The following UBTD2 variants were observed in gnomAD, a reference collection of about 807,000 sequenced individuals.
The protein encoded by UBTD2 is ubiquitin domain containing 2, also known as ubiquitin domain-containing protein 2.
A neutral mutation model predicts 19.8 loss-of-function variants in UBTD2; 9 were observed. The observed-to-expected ratio is 0.46, with a 90% CI of 0.27 to 0.79. UBTD2 has a LOEUF of 0.79. UBTD2 is among the 30% of genes least tolerant of loss of function. UBTD2 has a pLI of 0.14. For missense variants in UBTD2, 250 were observed against 300.4 expected, an observed-to-expected ratio of 0.83 and a Z score of 1.24; for synonymous variants, 98 against 103.9, an observed-to-expected ratio of 0.94 and a Z score of 0.35.
chr5:172,244,517 C>T (rs370200974), intron 1 of UBTD2, among the ~76,000 whole-genome samples: 1 of 150,750 alleles, frequency 6.6e-6, no homozygotes, highest in Non-Finnish European at 1.5e-5. Context: ...AGGTTGGTCT[C>T]GAACTCCCAA....
At chr5:172,232,271 T>A in intron 2 of UBTD2, among the ~76,000 whole-genome samples, 1 of 144,556 alleles carries the variant, frequency 6.9e-6, no homozygotes, top group African/African-American at 2.6e-5. Flanking sequence ...AGACCCTGTC[T>A]CAAAAAAATA....
intron 1 of UBTD2, among the ~76,000 whole-genome samples, chr5:172,275,587 T>C (rs1479081036): frequency 6.6e-6 from 1 of 152,230 alleles, no homozygotes; most frequent in Non-Finnish European, 1.5e-5. Context: ...TCACCCTTTA[T>C]GAAACTCTCA....
At chr5:172,280,883 A>G (rs1262017520) in intron 1 of UBTD2, among the ~76,000 whole-genome samples, 1 of 152,210 alleles carries the variant, frequency 6.6e-6, no homozygotes, top group Non-Finnish European at 1.5e-5. Flanking sequence ...GGAAGGTTTT[A>G]TTGATATACA....
intron 1 of UBTD2, among the ~76,000 whole-genome samples, chr5:172,265,491 C>T (rs1315304817): frequency 6.6e-6 from 1 of 152,038 alleles, no homozygotes; most frequent in Non-Finnish European, 1.5e-5. Context: ...CCCACCACCC[C>T]GGCTAATTTT....
intron 2 of UBTD2, among the ~76,000 whole-genome samples, chr5:172,227,296 T>C (rs1007095963): frequency 1.3e-5 from 2 of 152,226 alleles, no homozygotes; most frequent in African/African-American, 4.8e-5. Flanking sequence ...AGCAGAGGAA[T>C]AGATAAACTG....
chr5:172,240,011 A>G (rs551938737), intron 1 of UBTD2, among the ~76,000 whole-genome samples: 5 of 152,338 alleles, frequency 3.3e-5, no homozygotes, highest in Admixed American at 2.0e-4. Context: ...ATAGCAAACC[A>G]ATAACGAAGA....
At chr5:172,248,349 G>A (rs1222577623) in intron 1 of UBTD2, among the ~76,000 whole-genome samples, 1 of 152,152 alleles carries the variant, frequency 6.6e-6, no homozygotes, top group Non-Finnish European at 1.5e-5. Context: ...TAGCACTTTG[G>A]GAGGCCAAGG....
rs866438647 is a variant in UBTD2 at position 172,255,494 on chromosome 5, C to T, written c.71-21136G>A. On this transcript the variant is annotated intron_variant, in intron 1 of 2. Transcript: ENST00000393792. ...GCTTTGAGAGGTGTGGTTAGGGACGCCGCCCACGAGAAATAAAGGCCCAGA... is the reference window on the plus strand; with the variant it reads ...GCTTTGAGAGGTGTGGTTAGGGACGTCGCCCACGAGAAATAAAGGCCCAGA... 2.6e-5 allele frequency: 9 copies of T among 348,060 alleles called. No homozygotes were observed. In the Middle Eastern group the frequency reaches 3.0e-3, roughly 115 times the overall value. The allele number at this position is 348,060 out of a possible 1,614,324, so 21.6% of individuals were successfully genotyped here.
intron 1 of UBTD2, among the ~76,000 whole-genome samples, chr5:172,244,029 A>C (rs1361999219): frequency 6.6e-6 from 1 of 152,040 alleles, no homozygotes; most frequent in Non-Finnish European, 1.5e-5. Context: ...AGCATGAAGG[A>C]AACATTGATC....
chr5:172,249,832 A>G (rs1754954965), intron 1 of UBTD2, among the ~76,000 whole-genome samples: 1 of 152,256 alleles, frequency 6.6e-6, no homozygotes, highest in Non-Finnish European at 1.5e-5. Context: ...GATCATCTCA[A>G]TTAATGCAGA....
chr5:172,266,933 C>G (rs1204159481), intron 1 of UBTD2, among the ~76,000 whole-genome samples: 1 of 151,806 alleles, frequency 6.6e-6, no homozygotes, highest in East Asian at 1.9e-4. Context: ...CTAGCTACCC[C>G]AGAGGCTGCC....
At chr5:172,265,432 T>C (rs1755358489) in intron 1 of UBTD2, among the ~76,000 whole-genome samples, 1 of 152,156 alleles carries the variant, frequency 6.6e-6, no homozygotes, top group Non-Finnish European at 1.5e-5. Flanking sequence ...CCCCCTGGGT[T>C]CACGCCATTC....
intron 2 of UBTD2, among the ~76,000 whole-genome samples, chr5:172,227,692 ATTCTTTT>A (rs1771798642): frequency 7.7e-6 from 1 of 129,562 alleles, no homozygotes; most frequent in South Asian, 2.4e-4. Context: ...CAAATGAAAA[ATTCTTTT>A]TTTTTTTTTT....
intron 1 of UBTD2, among the ~76,000 whole-genome samples, chr5:172,245,197 C>T (rs548834964): frequency 6.6e-6 from 1 of 152,208 alleles, no homozygotes; most frequent in South Asian, 2.1e-4. Context: ...GCCACTTTAC[C>T]CCAAAGGCAG....
At chr5:172,249,819 C>G (rs760626978) in intron 1 of UBTD2, among the ~76,000 whole-genome samples, 1 of 152,136 alleles carries the variant, frequency 6.6e-6, no homozygotes, top group African/African-American at 2.4e-5. Context: ...GGGGAACCCA[C>G]GTGATCATCT....
intron 1 of UBTD2, among the ~76,000 whole-genome samples, chr5:172,254,250 C>T (rs1755094138): frequency 6.6e-6 from 1 of 152,144 alleles, no homozygotes; most frequent in South Asian, 2.1e-4. Context: ...CAGGTATCCG[C>T]CACCACGCCC....
chr5:172,216,209 C>A (rs923109620), intron 2 of UBTD2, among the ~76,000 whole-genome samples: 8 of 151,414 alleles, frequency 5.3e-5, no homozygotes, highest in African/African-American at 1.9e-4. Flanking sequence ...ACAAAAAAGC[C>A]CAAAAAACCC....
intron 1 of UBTD2, among the ~76,000 whole-genome samples, chr5:172,237,585 G>A (rs1029568648): frequency 4.6e-5 from 7 of 152,170 alleles, no homozygotes; most frequent in African/African-American, 1.7e-4. Context: ...ACAGAGCAGT[G>A]CAGAATTTTC....
chr5:172,269,891 C>G (rs1273909582), intron 1 of UBTD2, among the ~76,000 whole-genome samples: 1 of 151,574 alleles, frequency 6.6e-6, no homozygotes, highest in Non-Finnish European at 1.5e-5. Flanking sequence ...GCCTGGCCAA[C>G]ATGGTGAAAC....
Sources: gnomAD v4.1 joint callset for allele counts (sites outside exome capture counted in the v4.1 genomes callset) on GRCh38, gnomAD v4.1.1 for gene constraint, MANE v1.5 for transcripts, NCBI Gene and HGNC (gene_info 2026-07-23, HGNC 2026-07-21) for gene names.